ADGRA1: variants seen among roughly 807,000 people sequenced by gnomAD.
The protein encoded by ADGRA1 is G-protein coupled receptor 123.
A neutral mutation model predicts 21.3 loss-of-function variants in ADGRA1; 12 were observed. The ratio of observed to expected loss-of-function variants is 0.56; its 90% CI spans 0.36 to 0.91. The LOEUF is 0.91. Ranked by LOEUF, ADGRA1 falls within the 40% of genes least tolerant of loss-of-function variation. ADGRA1 has a pLI of 0.01. For missense variants in ADGRA1, 790 were observed against 805.6 expected (o/e 0.98, Z 0.23); for synonymous variants, 385 against 368.8 (o/e 1.04, Z -0.50).
chr10:133,123,716 C>T (rs1591188103), intron 5 of ADGRA1, among the ~76,000 whole-genome samples: 1 of 27,802 alleles, frequency 3.6e-5, no homozygotes, highest in Non-Finnish European at 6.0e-5. Flanking sequence ...TGCCTCCCTC[C>T]CCCCCCCCGG....
chr10:133,098,436 G>A (rs561288154), intron 3 of ADGRA1, among the ~76,000 whole-genome samples: 1 of 152,272 alleles, frequency 6.6e-6, no homozygotes, highest in Admixed American at 6.5e-5. Flanking sequence ...GGTGACGTAA[G>A]GCAGAACTTT....
Position 133,128,526 on chromosome 10 carries a change from G to A in ADGRA1, c.698G>A (p.Gly233Asp). The change falls in exon 7 of 7, where the codon GGC (glycine) becomes GAC (aspartate). Residue 233 changes from glycine to aspartate, a missense_variant. Transcript: ENST00000392607. ...GAGGGCGGCCGTGGGATCCGGCCAG[G>A]CACCCCACCCGCACACGATGCCCCC... ...TPEGGRGIRP[G>D]TPPAHDAPGA... is the part of the protein sequence containing the mutation. The A allele has an allele frequency of 6.5e-7, 1 of 1,547,704 alleles. No individual in the cohort carries two copies. The highest frequency in any genetic ancestry group is 8.7e-7 in the Non-Finnish European group (1 of 1,147,438).
chr10:133,110,454 T>C (rs964237138), intron 5 of ADGRA1, among the ~76,000 whole-genome samples: 1 of 149,080 alleles, frequency 6.7e-6, no homozygotes, highest in African/African-American at 2.4e-5. Context: ...TATCAGGCAG[T>C]GCGTGGGGAA....
intron 4 of ADGRA1, among the ~76,000 whole-genome samples, chr10:133,099,687 C>T (rs1286387838): frequency 6.6e-6 from 1 of 152,194 alleles, no homozygotes; most frequent in Non-Finnish European, 1.5e-5. Flanking sequence ...CTGCCCGGAG[C>T]CTCTGTAGCC....
In ADGRA1 at chr10:133,128,425, G is replaced by T; in HGVS notation, c.597G>T (p.Val199=). The T allele has an allele frequency of 6.2e-7, 1 of 1,606,288 alleles. No individual in the cohort carries two copies. Among genetic ancestry groups the T allele is most frequent in the Non-Finnish European group, 8.5e-7 (1 of 1,177,290 alleles). ...VTCVYFLGTY[V]QLRRHPGRRY... is the part of the protein sequence containing the mutation. The stretch of plus-strand genomic sequence containing the variant: ...GTGTGTACTTCCTGGGCACCTACGT[G>T]CAGCTGCGGCGCCACCCAGGGCGCA... The change falls in exon 7 of 7, where the codon GTG becomes GTT. Residue 199 remains valine (V), a synonymous_variant. Transcript: ENST00000392607.
In ADGRA1 at chr10:133,111,363, C is replaced by G. The variant is rs1229737427; in HGVS notation, c.401+8521C>G. Among the ~76,000 whole-genome samples the G allele has an allele frequency of 1.5e-4, 13 of 84,268 alleles. No individual in the cohort carries two copies. In the South Asian group the frequency reaches 3.4e-3, roughly 22 times the overall value. 55.3% of individuals were successfully genotyped at this position (84,268 alleles called of 152,430 possible). A position where few individuals can be genotyped will look rare whatever the true frequency, so the allele number is the denominator to read the frequency against. On this transcript the variant is annotated intron_variant, in intron 5 of 6. Coordinates refer to ENST00000392607, the MANE Select transcript of ADGRA1 (RefSeq NM_001083909.3). Reference sequence around the variant, plus strand: ...CCACCACAGGCACCTCCCTCCTAATCCCACCAGACAACCTGCCCACCACGG... The same window carrying G: ...CCACCACAGGCACCTCCCTCCTAATGCCACCAGACAACCTGCCCACCACGG...
At chr10:133,098,498 A>C in intron 3 of ADGRA1, 142 bp from the exon 4 acceptor site, 1 of 967,514 alleles carries the variant, frequency 1.0e-6, no homozygotes, top group South Asian at 1.7e-5. Flanking sequence ...CTCTCCCCTG[A>C]CCGGGTCCTC....
intron 5 of ADGRA1, among the ~76,000 whole-genome samples, chr10:133,110,298 T>C (rs1254952696): frequency 1.3e-5 from 2 of 152,282 alleles, no homozygotes; most frequent in Non-Finnish European, 2.9e-5. Flanking sequence ...AGGTCACTCC[T>C]GTGTGCTCTG....
intron 5 of ADGRA1, among the ~76,000 whole-genome samples, chr10:133,114,982 C>T (rs1852129722): frequency 1.3e-5 from 2 of 152,242 alleles, no homozygotes; most frequent in Non-Finnish European, 1.5e-5. Context: ...GACCTCAGTG[C>T]ATCGAAGGCC....
rs112645969 is a variant in ADGRA1 at position 133,093,176 on chromosome 10, C to T, written c.4-3798C>T. ...CAGACCTGGCCCCGGACACCTCACC[C>T]GCAGGGAGGAAGATTCCTTCAGGCA... On this transcript the variant is annotated intron_variant, in intron 2 of 6. Transcript: ENST00000392607. 2.5e-5 allele frequency: 40 copies of T among 1,595,198 alleles called. No homozygotes were observed. In the East Asian group the frequency reaches 3.1e-4, roughly 12 times the overall value.
In ADGRA1 at chr10:133,104,127, C is replaced by T. The variant is rs916875306; in HGVS notation, c.401+1285C>T. Among the ~76,000 whole-genome samples the T allele has an allele frequency of 1.4e-4, 21 of 152,250 alleles. 1 individual carries two copies. Among genetic ancestry groups the T allele is most frequent in the Admixed American group, 3.3e-4 (5 of 15,290 alleles). The stretch of plus-strand genomic sequence containing the variant: ...AGAATTCATTTCAAGGCAGATACAG[C>T]CACGTCCTGTATTGTTCCAGCAAAC... On this transcript the variant is annotated intron_variant, in intron 5 of 6. Coordinates refer to ENST00000392607, the MANE Select transcript of ADGRA1 (RefSeq NM_001083909.3).
intron 5 of ADGRA1, among the ~76,000 whole-genome samples, chr10:133,115,489 G>T (rs1852140125): frequency 6.6e-6 from 1 of 152,188 alleles, no homozygotes; most frequent in South Asian, 2.1e-4. Context: ...GACCCCAAAG[G>T]ACATGGTAGA....
chr10:133,123,368 C>T (rs1179678509), intron 5 of ADGRA1, among the ~76,000 whole-genome samples: 3 of 152,222 alleles, frequency 2.0e-5, no homozygotes, highest in Non-Finnish European at 4.4e-5. Context: ...CAGAGACTTT[C>T]CCTTTCGCTG....
chr10:133,099,154 C>T (rs374793730), intron 4 of ADGRA1, among the ~76,000 whole-genome samples: 3 of 147,284 alleles, frequency 2.0e-5, no homozygotes, highest in Non-Finnish European at 4.5e-5. Flanking sequence ...CCGCCCCTCC[C>T]GGAGAAAGTG....
intron 5 of ADGRA1, among the ~76,000 whole-genome samples, chr10:133,113,598 G>A (rs1402910632): frequency 1.3e-5 from 2 of 152,222 alleles, no homozygotes; most frequent in Non-Finnish European, 2.9e-5. Flanking sequence ...GCCAGTAGGA[G>A]GTGTCCACTC....
chr10:133,103,751 C>T (rs554576880), intron 5 of ADGRA1, among the ~76,000 whole-genome samples: 19 of 152,330 alleles, frequency 1.2e-4, no homozygotes, highest in African/African-American at 3.1e-4. Context: ...TGGCCGCGGC[C>T]GTGACCAGGC....
Position 133,097,988 on chromosome 10 carries a change from G to A in ADGRA1, c.132-652G>A, listed in dbSNP as rs1251224609. Among the ~76,000 whole-genome samples, 7 of 152,304 alleles carry A rather than the reference G, an allele frequency of 4.6e-5. No individual in the cohort carries two copies. In the East Asian group the frequency reaches 5.8e-4, roughly 13 times the overall value. On this transcript the variant is annotated intron_variant, in intron 3 of 6. Transcript: ENST00000392607. The stretch of plus-strand genomic sequence containing the variant: ...TATCATCAGCTTGGTGGTTAGTGCC[G>A]TCCTACCAACTCGGGGGGAGGCAGA...
chr10:133,100,984 C>T (rs1487707080), intron 4 of ADGRA1, among the ~76,000 whole-genome samples: 2 of 152,232 alleles, frequency 1.3e-5, no homozygotes, highest in Admixed American at 6.5e-5. Context: ...TCTCCGAGCT[C>T]CCCGATGAAC....
intron 2 of ADGRA1, among the ~76,000 whole-genome samples, chr10:133,092,830 A>G (rs113877448): frequency 2.1e-5 from 1 of 47,390 alleles, no homozygotes. Context: ...GAAGGAAGAG[A>G]GGGAGGGAGG....
Sources: gnomAD v4.1 joint callset for allele counts (sites outside exome capture counted in the v4.1 genomes callset) on GRCh38, gnomAD v4.1.1 for gene constraint, MANE v1.5 for transcripts, NCBI Gene and HGNC (gene_info 2026-07-23, HGNC 2026-07-21) for gene names.